Variants in NXPE2 observed in about 807,000 individuals in gnomAD.
The protein encoded by NXPE2 is neurexophilin and PC-esterase domain family member 2.
In NXPE2, 34 loss-of-function variants were observed where a neutral mutation model predicts 34.4. The observed-to-expected ratio is 0.99, with a 90% CI of 0.75 to 1.31. The LOEUF is 1.31. Ranked by LOEUF, NXPE2 falls within the 40% of genes most tolerant of loss-of-function variation. The pLI, the probability that NXPE2 is intolerant of heterozygous loss-of-function variation, is 0.00. For missense variants in NXPE2, 649 were observed against 672.5 expected (o/e 0.97, Z 0.39); for synonymous variants, 235 against 231.3 (o/e 1.02, Z -0.15).
the NXPE2 span, among the ~76,000 whole-genome samples, chr11:114,491,773 T>C: frequency 1.3e-5 from 2 of 152,068 alleles, no homozygotes; most frequent in Non-Finnish European, 2.9e-5. Context: ...TGTCCAACAA[T>C]GATAGACTGG....
chr11:114,703,272 T>C (rs145813614), intron 3 of NXPE2, among the ~76,000 whole-genome samples: 13 of 152,212 alleles, frequency 8.5e-5, no homozygotes, highest in Admixed American at 7.2e-4. Flanking sequence ...AAGTTTTACA[T>C]AGGGGAATAA....
At chr11:114,661,322 G>A in the NXPE2 span, among the ~76,000 whole-genome samples, 1 of 152,138 alleles carries the variant, frequency 6.6e-6, no homozygotes, top group Non-Finnish European at 1.5e-5. Context: ...GAGCACTATT[G>A]GAGGACTCTG....
At chr11:114,745,412 C>T in the NXPE2 span, among the ~76,000 whole-genome samples, 39 of 152,282 alleles carry the variant, frequency 2.6e-4, no homozygotes, top group African/African-American at 8.9e-4. Flanking sequence ...CTTACAGGAA[C>T]TGAGAGTGAG....
chr11:114,705,779 A>G lies in NXPE2; in HGVS notation c.929-2A>G. 1 of 1,430,484 alleles carries G rather than the reference A, an allele frequency of 7.0e-7. No homozygotes were observed. The highest frequency in any genetic ancestry group is 9.2e-7 in the Non-Finnish European group (1 of 1,087,148). The allele number at this position is 1,430,484 out of a possible 1,614,324, so 88.6% of individuals were successfully genotyped here. A position where few individuals can be genotyped will look rare whatever the true frequency, so the allele number is the denominator to read the frequency against. Reference sequence around the variant, plus strand: ...ACTTAATCTGGAAATTTGTATTGCCAGAGAGCGAGAACATAAAAAAGAACT... The same window carrying G: ...ACTTAATCTGGAAATTTGTATTGCCGGAGAGCGAGAACATAAAAAAGAACT... On this transcript the variant is annotated splice_acceptor_variant, in intron 4 of 5. Transcript: ENST00000389586. LOFTEE classifies it high-confidence loss of function.
At chr11:114,637,128 T>A in the NXPE2 span, among the ~76,000 whole-genome samples, 2 of 151,760 alleles carry the variant, frequency 1.3e-5, no homozygotes, top group Non-Finnish European at 2.9e-5. Context: ...CAGGACTTGC[T>A]TTATGAATCT....
At chr11:114,768,250 G>T in the NXPE2 span, among the ~76,000 whole-genome samples, 1 of 152,128 alleles carries the variant, frequency 6.6e-6, no homozygotes, top group African/African-American at 2.4e-5. Flanking sequence ...TGAGGCCTCT[G>T]TACTGTTCCA....
chr11:114,732,313 G>T, the NXPE2 span, among the ~76,000 whole-genome samples: 1 of 152,130 alleles, frequency 6.6e-6, no homozygotes, highest in Non-Finnish European at 1.5e-5. Context: ...TTGTTAAAAT[G>T]TAATTGTATT....
At chr11:114,545,975 C>T in the NXPE2 span, among the ~76,000 whole-genome samples, 2 of 152,084 alleles carry the variant, frequency 1.3e-5, no homozygotes, top group Admixed American at 6.6e-5. Context: ...AGGCATGAGC[C>T]ACTGCCCCTG....
the NXPE2 span, among the ~76,000 whole-genome samples, chr11:114,750,957 G>A: frequency 6.6e-6 from 1 of 151,842 alleles, no homozygotes; most frequent in Non-Finnish European, 1.5e-5. Flanking sequence ...TTTCTTGATG[G>A]CATTTTATGT....
At chr11:114,640,147 TG>T in the NXPE2 span, among the ~76,000 whole-genome samples, 6 of 97,568 alleles carry the variant, frequency 6.1e-5, no homozygotes, top group Admixed American at 1.3e-4. Context: ...ATATAATATA[TG>T]ATATATTAAT....
the NXPE2 span, among the ~76,000 whole-genome samples, chr11:114,780,631 G>A: frequency 1.3e-5 from 2 of 152,324 alleles, no homozygotes; most frequent in Admixed American, 6.5e-5. Flanking sequence ...TCTAGTAGAA[G>A]GTGGTTGCAT....
the NXPE2 span, among the ~76,000 whole-genome samples, chr11:114,787,548 A>G: frequency 3.3e-5 from 5 of 152,192 alleles, no homozygotes; most frequent in Admixed American, 2.0e-4. Context: ...ATAGCAAACA[A>G]TTGATCCCAG....
chr11:114,696,043 AAGAAGAAAT>A (rs1951246422), intron 2 of NXPE2, among the ~76,000 whole-genome samples: 1 of 151,680 alleles, frequency 6.6e-6, no homozygotes, highest in Non-Finnish European at 1.5e-5. Context: ...GAAGAAGAAG[AAGAAGAAAT>A]CAGGCTGAGC....
the NXPE2 span, among the ~76,000 whole-genome samples, chr11:114,622,755 A>G: frequency 6.6e-6 from 1 of 151,978 alleles, no homozygotes; most frequent in Non-Finnish European, 1.5e-5. Flanking sequence ...CCCAGCGGAT[A>G]AGTGTTGCCT....
chr11:114,795,429 CA>C, the NXPE2 span, among the ~76,000 whole-genome samples: 3 of 152,170 alleles, frequency 2.0e-5, no homozygotes, highest in Non-Finnish European at 2.9e-5. Flanking sequence ...TTCAACTTTC[CA>C]AAATAATCCT....
At chr11:114,755,841 A>C in the NXPE2 span, among the ~76,000 whole-genome samples, 1 of 151,948 alleles carries the variant, frequency 6.6e-6, no homozygotes. Flanking sequence ...TCTCTCCTCA[A>C]ATCCCAACCT....
At chr11:114,616,051 A>G in the NXPE2 span, among the ~76,000 whole-genome samples, 3 of 151,760 alleles carry the variant, frequency 2.0e-5, no homozygotes, top group Non-Finnish European at 4.4e-5. Context: ...CCGGTGGATA[A>G]TAAGTATTGC....
chr11:114,518,293 T>G, the NXPE2 span: 1 of 152,208 alleles, frequency 6.6e-6, no homozygotes, highest in Non-Finnish European at 1.5e-5. Flanking sequence ...GCTCAGCACA[T>G]TCAGCCCCAC....
chr11:114,661,891 T>G, the NXPE2 span, among the ~76,000 whole-genome samples: 2 of 152,176 alleles, frequency 1.3e-5, no homozygotes, highest in African/African-American at 2.4e-5. Flanking sequence ...TCAATGGGTT[T>G]TTGATGAAGG....
Sources: gnomAD v4.1 joint callset for allele counts (sites outside exome capture counted in the v4.1 genomes callset) on GRCh38, gnomAD v4.1.1 for gene constraint, MANE v1.5 for transcripts, NCBI Gene and HGNC (gene_info 2026-07-23, HGNC 2026-07-21) for gene names.